Variants in RTKN observed in about 807,000 individuals in gnomAD.
RTKN encodes rhotekin.
Under a neutral mutation model 63.5 loss-of-function variants are expected in RTKN, and 49 were observed. That is an observed-to-expected ratio of 0.77 (90% CI 0.61 to 0.98). The LOEUF is 0.98. Among genes scored for constraint, RTKN ranks in the 50% least tolerant of loss-of-function variants. RTKN has a pLI of 0.00. For synonymous variants in RTKN, 295 were observed against 290.4 expected (o/e 1.02, Z -0.16); for missense variants, 685 against 740.8 (o/e 0.92, Z 0.87).
chr2:74,440,669 G>A (rs757008904), intron 1 of RTKN: 122 of 686,324 alleles, frequency 1.8e-4, no homozygotes, highest in Non-Finnish European at 2.1e-4. Context: ...CCCCCACGCT[G>A]GCCCCACGCG....
In RTKN at chr2:74,426,553, A is replaced by G; in HGVS notation, c.1382T>C (p.Ile461Thr). The change falls in exon 12 of 12, where the codon ATC becomes ACC. Residue 461 changes from isoleucine (I) to threonine (T), a missense_variant. Physicochemically the swap from Ile to Thr is moderately conservative, Grantham distance 89. Coordinates refer to ENST00000272430, the MANE Select transcript of RTKN (RefSeq NM_001015055.2). ...HEMAIEPLDDIAAVTDILTQR... is the reference protein window; with the variant it reads ...HEMAIEPLDDTAAVTDILTQR... ...GGTCAGGATGTCTGTCACCGCTGCG[A>G]TGTCATCCAGCGGCTCAATAGCTGT... The G allele has an allele frequency of 1.3e-6, 2 of 1,535,258 alleles. No homozygotes were observed. The highest frequency in any genetic ancestry group is 1.8e-6 in the Non-Finnish European group (2 of 1,138,586).
Position 74,429,998 on chromosome 2 carries a change from C to A in RTKN, c.585G>T (p.Leu195=), listed in dbSNP as rs1389464874. The A allele has an allele frequency of 1.9e-6, 3 of 1,614,252 alleles. No individual in the cohort carries two copies. In the Admixed American group the frequency reaches 5.0e-5, roughly 27 times the overall value. Residue 195 remains leucine, a synonymous_variant, in exon 6 of 12, where the codon CTG becomes CTT. Transcript: ENST00000272430. ...CCTCTTCTTCCACACAGGCCCCATA[C>A]AGCTCTAACCGCAGTTCAAAGTCTG... is the stretch of plus-strand genomic sequence containing the variant. ...AGPDFELRLE[L]YGACVEEEGA... is the part of the protein sequence containing the mutation.
At chr2:74,438,468 C>T (rs955012509) in intron 1 of RTKN, among the ~76,000 whole-genome samples, 7 of 152,206 alleles carry the variant, frequency 4.6e-5, no homozygotes, top group African/African-American at 7.2e-5. Context: ...CCTCAACTTC[C>T]CACCAGCCTA....
intron 1 of RTKN, chr2:74,439,450 G>T: frequency 7.4e-7 from 1 of 1,345,918 alleles, no homozygotes; most frequent in East Asian, 2.4e-5. Context: ...CTTTAAGCAG[G>T]CCTGGCTCTC....
chr2:74,436,102 T>C lies in RTKN; in HGVS notation c.112-3436A>G, dbSNP rs1671042244. Among the ~76,000 whole-genome samples, 1 of 152,098 alleles carries C rather than the reference T, an allele frequency of 6.6e-6. No homozygotes were observed. Among genetic ancestry groups the C allele is most frequent in the South Asian group, 2.1e-4 (1 of 4,822 alleles). ...CTGCACCCAGCTTCAGCCACAAACA[T>C]CCCAAATGGGTGAGCCTGGCAGGAG... is the stretch of plus-strand genomic sequence containing the variant. On this transcript the variant is annotated intron_variant, in intron 1 of 11. Coordinates refer to ENST00000272430, the MANE Select transcript of RTKN (RefSeq NM_001015055.2). This position sits in a 1 kb window ranked among gnomAD's most constrained non-coding sequence, Gnocchi z 4.3.
chr2:74,430,116 C>T, intron 5 of RTKN, 79 bp from the exon 6 acceptor site: 1 of 1,547,296 alleles, frequency 6.5e-7, no homozygotes, highest in Non-Finnish European at 8.9e-7. Context: ...GAGGCAAGTG[C>T]AGGACAGCTC....
chr2:74,434,840 AG>A (rs1354937399), intron 1 of RTKN, among the ~76,000 whole-genome samples: 1 of 152,256 alleles, frequency 6.6e-6, no homozygotes, highest in Non-Finnish European at 1.5e-5. Context: ...AAGAATCTCT[AG>A]GAGTGGGGCA....
intron 1 of RTKN, chr2:74,440,311 A>T: frequency 1.0e-6 from 1 of 970,404 alleles, no homozygotes; most frequent in Non-Finnish European, 1.2e-6. Flanking sequence ...CTTCCAACTC[A>T]GGGCCCCCAT....
chr2:74,426,208 C>T lies in RTKN; in HGVS notation c.*35G>A, dbSNP rs959473057. ...CCCAACTGCGCATGGGTCATTTTCT[C>T]TTCTGGGCAGATCCTATGCCAGCAC... On this transcript the variant is annotated 3_prime_UTR_variant, in exon 12 of 12. Transcript: ENST00000272430. 2 of 1,591,068 alleles carry T rather than the reference C, an allele frequency of 1.3e-6. No homozygotes were observed. The highest frequency in any genetic ancestry group is 2.7e-5 in the African/African-American group (2 of 74,382).
At chr2:74,439,407 C>T (rs990998043) in intron 1 of RTKN, 5 of 851,664 alleles carry the variant, frequency 5.9e-6, no homozygotes, top group Non-Finnish European at 7.7e-6. Flanking sequence ...GCACCCAACA[C>T]AAGGCATAGG....
At chr2:74,435,834 TC>T (rs1201825337) in intron 1 of RTKN, among the ~76,000 whole-genome samples, 1 of 152,042 alleles carries the variant, frequency 6.6e-6, no homozygotes, top group Admixed American at 6.6e-5. Context: ...CACCCTAAAT[TC>T]CCTCTTCTAA....
At chr2:74,438,039 T>C (rs905322415) in intron 1 of RTKN, among the ~76,000 whole-genome samples, 5 of 152,022 alleles carry the variant, frequency 3.3e-5, no homozygotes, top group African/African-American at 9.7e-5. Context: ...ACATCTACTA[T>C]GATCCAGGGA....
chr2:74,439,637 G>C, intron 1 of RTKN: 1 of 1,613,814 alleles, frequency 6.2e-7, no homozygotes, highest in Non-Finnish European at 8.5e-7. Context: ...GTGCCCCCCG[G>C]TGCCCTTTCC....
chr2:74,427,300 G>A, intron 10 of RTKN, 27 bp from the exon 11 acceptor site: 1 of 1,611,642 alleles, frequency 6.2e-7, no homozygotes, highest in South Asian at 1.1e-5. Flanking sequence ...GATTAAAAGA[G>A]AGAGCCAGGC....
At chr2:74,438,342 A>T (rs1173508732) in intron 1 of RTKN, among the ~76,000 whole-genome samples, 1 of 152,032 alleles carries the variant, frequency 6.6e-6, no homozygotes. Flanking sequence ...TTTCTCCACC[A>T]TGAGCATTTT....
intron 1 of RTKN, among the ~76,000 whole-genome samples, chr2:74,433,845 TG>T (rs1670903573): frequency 6.6e-6 from 1 of 152,086 alleles, no homozygotes; most frequent in Non-Finnish European, 1.5e-5. Context: ...AGTAGGACAT[TG>T]GTTAAATAAG....
At position 74,441,699 on chromosome 2, in the gene RTKN, C is replaced by T; in HGVS notation, c.111+7G>A. On this transcript the variant is annotated splice_region_variant and intron_variant, in intron 1 of 11. Coordinates refer to ENST00000272430, the MANE Select transcript of RTKN (RefSeq NM_001015055.2). ...GGAAGGGGAAGGCAGGGACGCGAGTCTCTCACCTCGGGCAGGTCGCTGAAG... is the reference window on the plus strand; with the variant it reads ...GGAAGGGGAAGGCAGGGACGCGAGTTTCTCACCTCGGGCAGGTCGCTGAAG... The T allele has an allele frequency of 6.2e-7, 1 of 1,603,448 alleles. No individual in the cohort carries two copies. The highest frequency in any genetic ancestry group is 2.2e-5 in the East Asian group (1 of 44,602).
At position 74,428,654 on chromosome 2, in the gene RTKN, C is replaced by G. The variant is rs763589991; in HGVS notation, c.934G>C (p.Ala312Pro). ...ACCTGCACCCTGAGGGTACCACTTGCAGTGGGCTGAGTCATGCAGAGAGGC... is the reference window on the plus strand; with the variant it reads ...ACCTGCACCCTGAGGGTACCACTTGGAGTGGGCTGAGTCATGCAGAGAGGC... The part of the protein sequence containing the change: ...AQPLCMTQPT[A>P]SGTLRVQQAG... Residue 312 changes from alanine (A) to proline (P), a missense_variant, in exon 8 of 12, where the codon GCA (alanine) becomes CCA (proline). Ala to Pro is a conservative substitution (Grantham distance 27). Transcript: ENST00000272430. 6 of 1,613,732 alleles carry G rather than the reference C, an allele frequency of 3.7e-6. No individual in the cohort carries two copies. The African/African-American group carries it at 8.0e-5, about 22-fold the overall frequency.
At position 74,427,222 on chromosome 2, in the gene RTKN, G is replaced by C; in HGVS notation, c.1307C>G (p.Pro436Arg). The change falls in exon 11 of 12, where the codon CCC becomes CGC. Residue 436 changes from proline to arginine, a missense_variant. By Grantham distance (103) the Pro-to-Arg change is moderately radical. Coordinates refer to ENST00000272430, the MANE Select transcript of RTKN (RefSeq NM_001015055.2). ...TGCCAGTGCTTGGGGTGGTTTCCGG[G>C]GAGCAGGAGTTTCAATTTTCATGAT... The part of the protein sequence containing the change: ...DEIMKIETPA[P>R]RKPPQALAKQ... The C allele has an allele frequency of 3.1e-6, 5 of 1,614,152 alleles. No homozygotes were observed. Among genetic ancestry groups the C allele is most frequent in the Non-Finnish European group, 4.2e-6 (5 of 1,180,024 alleles).
Sources: allele counts gnomAD v4.1 joint callset (sites outside exome capture counted in the v4.1 genomes callset), GRCh38; gene constraint gnomAD v4.1.1; non-coding constraint Gnocchi (gnomAD v3.1); transcripts MANE v1.5; gene names NCBI Gene and HGNC (gene_info 2026-07-23, HGNC 2026-07-21).